Variants in GABRB1 observed in about 807,000 individuals in gnomAD.
GABRB1 encodes gamma-aminobutyric acid type A receptor subunit beta1.
A neutral mutation model predicts 51.6 loss-of-function variants in GABRB1; 17 were observed. That is an observed-to-expected ratio of 0.33 (90% CI 0.23 to 0.49). The LOEUF (loss-of-function observed/expected upper bound fraction) is 0.49. GABRB1 is among the 20% of genes least tolerant of loss of function. The pLI, the probability that GABRB1 is intolerant of heterozygous loss-of-function variation, is 0.99. For synonymous variants in GABRB1, 247 were observed against 218.9 expected (o/e 1.13, Z -1.14); for missense variants, 410 against 600.6 (o/e 0.68, Z 3.32).
intron 4 of GABRB1, among the ~76,000 whole-genome samples, chr4:47,211,142 T>C (rs983298483): frequency 6.6e-6 from 1 of 152,164 alleles, no homozygotes; most frequent in Non-Finnish European, 1.5e-5. Context: ...CCTTTTTATA[T>C]TTTTTATGAG....
intron 4 of GABRB1, among the ~76,000 whole-genome samples, chr4:47,291,711 A>G (rs1388626232): frequency 2.6e-5 from 4 of 152,066 alleles, no homozygotes; most frequent in Non-Finnish European, 4.4e-5. Flanking sequence ...ATCTTTTTGG[A>G]GCTGTAAGAC....
rs945831422 is a variant in GABRB1 at position 47,017,168 on chromosome 4, C to T, written c.-19-14746C>T. ...AATTTACTACATGTGCGGCCTTCTC[C>T]ATGTTTTATAGTTTATGCGTTTATG... On this transcript the variant is annotated intron_variant, in intron 1 of 3. Coordinates refer to the GABRB1 transcript ENST00000513567. 2.0e-5 allele frequency among the ~76,000 whole-genome samples: 3 copies of T among 152,114 alleles called. 1 individual carries two copies. The highest frequency in any genetic ancestry group is 7.2e-5 in the African/African-American group (3 of 41,416).
chr4:47,208,031 C>T (rs1457279058), intron 4 of GABRB1, among the ~76,000 whole-genome samples: 1 of 152,004 alleles, frequency 6.6e-6, no homozygotes, highest in South Asian at 2.1e-4. Context: ...TCTGACTATA[C>T]ATCAGTGCTC....
At position 47,426,240 on chromosome 4, in the gene GABRB1, C is replaced by G; in HGVS notation, c.*222C>G. Reference sequence around the variant, plus strand: ...AGTCTACCGTGGTCCAGGTTATCAGCTCTTTAAGAGCTCTATTAATTGCCA... The same window carrying G: ...AGTCTACCGTGGTCCAGGTTATCAGGTCTTTAAGAGCTCTATTAATTGCCA... On this transcript the variant is annotated 3_prime_UTR_variant, in exon 9 of 9. Transcript: ENST00000295454. The G allele has an allele frequency of 5.2e-6, 2 of 387,290 alleles. No homozygotes were observed. Among genetic ancestry groups the G allele is most frequent in the Middle Eastern group, 1.3e-3 (2 of 1,534 alleles). 24.0% of individuals were successfully genotyped at this position (387,290 alleles called of 1,614,324 possible).
intron 8 of GABRB1, among the ~76,000 whole-genome samples, chr4:47,409,265 G>T (rs1257019584): frequency 6.6e-6 from 1 of 152,116 alleles, no homozygotes; most frequent in Non-Finnish European, 1.5e-5. Flanking sequence ...TGCCTTTTTG[G>T]TACCCAGGTT....
At chr4:47,158,821 A>G (rs112555291) in intron 3 of GABRB1, among the ~76,000 whole-genome samples, 2,454 of 152,220 alleles carry the variant, frequency 0.016, 33 homozygotes, top group Non-Finnish European at 0.025. Flanking sequence ...GAAAATGAGC[A>G]TACACACTCT....
intron 4 of GABRB1, among the ~76,000 whole-genome samples, chr4:47,184,515 T>C (rs1719088331): frequency 6.6e-6 from 1 of 151,920 alleles, no homozygotes; most frequent in Admixed American, 6.6e-5. Context: ...TGCACTCAAG[T>C]GATAGCACTT....
chr4:47,265,284 G>GT (rs1457136871), intron 4 of GABRB1, among the ~76,000 whole-genome samples: 1 of 151,922 alleles, frequency 6.6e-6, no homozygotes, highest in Non-Finnish European at 1.5e-5. Flanking sequence ...ATATTTCATT[G>GT]TTTTTTATGG....
chr4:47,378,138 G>A (rs920424117), intron 5 of GABRB1, among the ~76,000 whole-genome samples: 25 of 152,344 alleles, frequency 1.6e-4, no homozygotes, highest in Admixed American at 1.6e-3. Context: ...AGCCCACAGA[G>A]GCGGGGAGTC....
At chr4:47,372,313 G>GT (rs762824077) in intron 5 of GABRB1, among the ~76,000 whole-genome samples, 13 of 152,136 alleles carry the variant, frequency 8.5e-5, no homozygotes, top group Admixed American at 2.0e-4. Flanking sequence ...TCTTGTACCA[G>GT]TACCACACTG....
At chr4:47,024,223 T>G (rs1725016171) in intron 1 of GABRB1, among the ~76,000 whole-genome samples, 1 of 151,968 alleles carries the variant, frequency 6.6e-6, no homozygotes, top group South Asian at 2.1e-4. Flanking sequence ...AGTTTTACTT[T>G]CCATGGGATT....
At position 47,118,591 on chromosome 4, in the gene GABRB1, C is replaced by T. The variant is rs185852562; in HGVS notation, c.241-42658C>T. On this transcript the variant is annotated intron_variant, in intron 3 of 8. Coordinates refer to ENST00000295454, the MANE Select transcript of GABRB1 (RefSeq NM_000812.4). ...GCAATATTCAGAATTCCATAATTGA[C>T]TCTTGGTTATGTACGTGTGACCGCG... is the stretch of plus-strand genomic sequence containing the variant. Among the ~76,000 whole-genome samples the T allele has an allele frequency of 3.3e-4, 50 of 152,218 alleles. 1 individual carries two copies. The highest frequency in any genetic ancestry group is 3.3e-3 in the Admixed American group (50 of 15,288).
chr4:47,069,707 C>G (rs934453012), intron 3 of GABRB1, among the ~76,000 whole-genome samples: 1 of 152,196 alleles, frequency 6.6e-6, no homozygotes, highest in African/African-American at 2.4e-5. Context: ...ACATTAACAA[C>G]TTTTCTGATA....
At chr4:47,197,713 T>C (rs6842392) in intron 4 of GABRB1, among the ~76,000 whole-genome samples, 130,835 of 152,116 alleles carry the variant, frequency 0.86, 56,285 homozygotes, top group Middle Eastern at 0.92. Flanking sequence ...AAGCGCTAGC[T>C]TAGTGCCATA....
intron 4 of GABRB1, among the ~76,000 whole-genome samples, chr4:47,200,688 G>A (rs1032810880): frequency 5.3e-5 from 8 of 152,020 alleles, no homozygotes; most frequent in South Asian, 2.1e-4. Flanking sequence ...AGAGCTTTGC[G>A]CACAAGGCCA....
At chr4:47,008,988 C>T (rs1263684787) in intron 1 of GABRB1, among the ~76,000 whole-genome samples, 3 of 147,128 alleles carry the variant, frequency 2.0e-5, no homozygotes, top group South Asian at 2.2e-4. Context: ...CTCAGCCTCC[C>T]GAGTAGCTGG....
intron 5 of GABRB1, among the ~76,000 whole-genome samples, chr4:47,326,588 GTCTTGGAATATATC>G (rs1725270846): frequency 6.6e-6 from 1 of 152,028 alleles, no homozygotes; most frequent in Non-Finnish European, 1.5e-5. Context: ...TCTACTGAGG[GTCTTGGAATATATC>G]TCCTGAACGT....
chr4:47,247,731 G>C (rs752152902), intron 4 of GABRB1, among the ~76,000 whole-genome samples: 4 of 151,732 alleles, frequency 2.6e-5, no homozygotes, highest in Non-Finnish European at 4.4e-5. Context: ...GACGACTTTT[G>C]ACTCCTTGGT....
intron 1 of GABRB1, among the ~76,000 whole-genome samples, chr4:47,008,470 T>A (rs1340153293): frequency 6.6e-6 from 1 of 151,786 alleles, no homozygotes; most frequent in East Asian, 1.9e-4. Flanking sequence ...TTTACTTTTT[T>A]TTTTTTTCTT....
Sources: allele counts gnomAD v4.1 joint callset (sites outside exome capture counted in the v4.1 genomes callset), GRCh38; gene constraint gnomAD v4.1.1; transcripts MANE v1.5; gene names NCBI Gene and HGNC (gene_info 2026-07-23, HGNC 2026-07-21).